The following GC variants were observed in gnomAD, a reference collection of about 807,000 sequenced individuals.
GC encodes vitamin D-binding protein.
Under a neutral mutation model 56.7 loss-of-function variants are expected in GC, and 43 were observed. The ratio of observed to expected loss-of-function variants is 0.76; its 90% CI spans 0.59 to 0.98. The LOEUF (loss-of-function observed/expected upper bound fraction) is 0.98, where lower values mean the gene tolerates loss of function less well. Ranked by LOEUF, GC falls within the 50% of genes least tolerant of loss-of-function variation. GC has a pLI of 0.00. For synonymous variants in GC, 216 were observed against 202.7 expected, an observed-to-expected ratio of 1.07 and a Z score of -0.56; for missense variants, 529 against 545.9, an observed-to-expected ratio of 0.97 and a Z score of 0.31.
intron 1 of GC, chr4:71,803,919 G>A (rs187338765): frequency 1.7e-3 from 2,518 of 1,478,092 alleles, no homozygotes; most frequent in Non-Finnish European, 2.2e-3. Context: ...GAATTAGAAC[G>A]CAGTACCTCA....
At chr4:71,750,164 AG>A (rs1741499406) in intron 11 of GC, among the ~76,000 whole-genome samples, 1 of 152,242 alleles carries the variant, frequency 6.6e-6, no homozygotes, top group African/African-American at 2.4e-5. Flanking sequence ...AGTCACTTCA[AG>A]TATAAAAGAG....
intron 1 of GC, among the ~76,000 whole-genome samples, chr4:71,780,574 G>T (rs1167045337): frequency 6.6e-6 from 1 of 151,962 alleles, no homozygotes; most frequent in African/African-American, 2.4e-5. Flanking sequence ...GTGGGCAAAG[G>T]ATATGAACAG....
At position 71,768,379 on chromosome 4, in the gene GC, G is replaced by A; in HGVS notation, c.183C>T (p.Ser61=). Residue 61 remains serine, a synonymous_variant, in exon 3 of 13, where the codon AGC becomes AGT. Transcript: ENST00000273951. ...AGGAGACAACTTCCTTCACAAGTTG[G>A]CTGACCTGTTCAAACGTGCCACTGG... is the stretch of plus-strand genomic sequence containing the variant. ...KFPSGTFEQV[S]QLVKEVVSLT... 1 of 1,613,332 alleles carries A rather than the reference G, an allele frequency of 6.2e-7. No individual in the cohort carries two copies. The highest frequency in any genetic ancestry group is 1.1e-5 in the South Asian group (1 of 90,978).
intron 1 of GC, among the ~76,000 whole-genome samples, chr4:71,791,406 T>A (rs1742965055): frequency 1.3e-5 from 2 of 152,210 alleles, no homozygotes; most frequent in African/African-American, 4.8e-5. Flanking sequence ...TACTTTACCT[T>A]TGTTTTTCAG....
intron 1 of GC, among the ~76,000 whole-genome samples, chr4:71,794,529 T>C (rs2149309724): frequency 6.6e-6 from 1 of 152,312 alleles, no homozygotes; most frequent in Non-Finnish European, 1.5e-5. Context: ...TTATTGCATC[T>C]ATTTGATTCT....
At chr4:71,757,224 C>A (rs1446162811) in intron 7 of GC, among the ~76,000 whole-genome samples, 1 of 151,890 alleles carries the variant, frequency 6.6e-6, no homozygotes, top group Admixed American at 6.6e-5. Context: ...AACCTAAATA[C>A]AATAGAGGAT....
chr4:71,760,495 C>T (rs1281171604), intron 6 of GC, among the ~76,000 whole-genome samples: 1 of 151,982 alleles, frequency 6.6e-6, no homozygotes, highest in Non-Finnish European at 1.5e-5. Context: ...AAAAAGTTGG[C>T]AAATCTAGAT....
intron 12 of GC, among the ~76,000 whole-genome samples, chr4:71,742,596 C>T (rs572422180): frequency 6.7e-4 from 102 of 152,292 alleles, no homozygotes; most frequent in Non-Finnish European, 1.1e-3. Flanking sequence ...TGAGCCAATT[C>T]ATTTATGTTT....
At chr4:71,774,162 A>G (rs766550623) in intron 1 of GC, among the ~76,000 whole-genome samples, 35 of 152,092 alleles carry the variant, frequency 2.3e-4, no homozygotes, top group Non-Finnish European at 4.1e-4. Context: ...CATGACATCT[A>G]TAGATAAACT....
Position 71,765,420 on chromosome 4 carries a change from G to A in GC, c.473+12C>T. 2 of 1,598,274 alleles carry A rather than the reference G, an allele frequency of 1.3e-6. No homozygotes were observed. Among genetic ancestry groups the A allele is most frequent in the Middle Eastern group, 1.8e-4 (1 of 5,464 alleles). On this transcript the variant is annotated intron_variant, in intron 4 of 12. Coordinates refer to ENST00000273951, the MANE Select transcript of GC (RefSeq NM_000583.4). The stretch of plus-strand genomic sequence containing the variant: ...TAGGTCCTAAAGTTCTATTTATGAT[G>A]AAGGCACTCACTGATTAGCATATTC...
chr4:71,796,774 G>A (rs139125797), intron 1 of GC, among the ~76,000 whole-genome samples: 18,099 of 152,170 alleles, frequency 0.12, 1,481 homozygotes, highest in African/African-American at 0.23. Context: ...CAGCTTTTCT[G>A]CTCTGGTTTC....
intron 1 of GC, among the ~76,000 whole-genome samples, chr4:71,796,481 C>A (rs1743109497): frequency 6.6e-6 from 1 of 152,204 alleles, no homozygotes; most frequent in African/African-American, 2.4e-5. Flanking sequence ...AGATGCGTCA[C>A]AAAGTTCTCT....
Position 71,746,140 on chromosome 4 carries a change from A to G in GC, c.*25+11T>C. On this transcript the variant is annotated intron_variant, in intron 12 of 12. Coordinates refer to ENST00000273951, the MANE Select transcript of GC (RefSeq NM_000583.4). ...GGATCCGTTGGTCCTGCATTTATAA[A>G]ATATACTTACCAAAGTTAATAAACA... The G allele has an allele frequency of 9.9e-7, 1 of 1,011,364 alleles. No homozygotes were observed. The highest frequency in any genetic ancestry group is 1.8e-5 in the Admixed American group (1 of 56,076). The allele number at this position is 1,011,364 out of a possible 1,614,324, so 62.6% of individuals were successfully genotyped here.
At chr4:71,759,832 A>G (rs749963099) in intron 6 of GC, among the ~76,000 whole-genome samples, 2 of 152,182 alleles carry the variant, frequency 1.3e-5, no homozygotes, top group Non-Finnish European at 2.9e-5. Flanking sequence ...AGCAAATGCT[A>G]TTTCCTTGAA....
intron 1 of GC, among the ~76,000 whole-genome samples, chr4:71,782,202 G>T (rs1742703430): frequency 6.6e-6 from 1 of 151,712 alleles, no homozygotes. Flanking sequence ...ACTATAACAG[G>T]CAGAGAAAAC....
At chr4:71,781,870 A>C (rs1742691338) in intron 1 of GC, among the ~76,000 whole-genome samples, 1 of 151,810 alleles carries the variant, frequency 6.6e-6, no homozygotes, top group Non-Finnish European at 1.5e-5. Context: ...CTTAATTGGA[A>C]CCTGTCCAGT....
upstream of GC, among the ~76,000 whole-genome samples, chr4:71,787,622 G>T (rs1742870464): frequency 6.6e-6 from 1 of 151,820 alleles, no homozygotes; most frequent in African/African-American, 2.4e-5. Context: ...AGGGTGCAGA[G>T]AATGGGAGGG....
chr4:71,752,737 T>TGA (rs1385085638), intron 10 of GC, 87 bp from the exon 11 acceptor site: 6 of 1,171,614 alleles, frequency 5.1e-6, no homozygotes, highest in Non-Finnish European at 7.4e-6. Context: ...TTTCAGATCT[T>TGA]TTACAATAAA....
At chr4:71,753,975 A>T (rs749639971) in intron 10 of GC, among the ~76,000 whole-genome samples, 2 of 152,168 alleles carry the variant, frequency 1.3e-5, no homozygotes, top group Non-Finnish European at 2.9e-5. Flanking sequence ...GGCTGTTTTA[A>T]TTGGCCACCC....
Sources: allele counts gnomAD v4.1 joint callset (sites outside exome capture counted in the v4.1 genomes callset), GRCh38; gene constraint gnomAD v4.1.1; transcripts MANE v1.5; gene names NCBI Gene and HGNC (gene_info 2026-07-23, HGNC 2026-07-21).